The following ARPC5 variants were observed in gnomAD, a reference collection of about 807,000 sequenced individuals.
ARPC5 encodes actin-related protein 2/3 complex subunit 5.
ARPC5 carries 5 observed loss-of-function variants against 15.4 expected under a neutral mutation model. The observed-to-expected ratio is 0.32, with a 90% CI of 0.17 to 0.68. The LOEUF (loss-of-function observed/expected upper bound fraction) is 0.68. Among genes scored for constraint, ARPC5 ranks in the 30% least tolerant of loss-of-function variants. The pLI is 0.71. For synonymous variants in ARPC5, 85 were observed against 72.2 expected (o/e 1.18, Z -0.90); for missense variants, 138 against 192.8 (o/e 0.72, Z 1.68).
At chr1:183,629,647 A>G (rs765840502) in intron 3 of ARPC5, among the ~76,000 whole-genome samples, 6 of 152,344 alleles carry the variant, frequency 3.9e-5, no homozygotes, top group Non-Finnish European at 8.8e-5. Context: ...TTACATTGCA[A>G]AATATACACA....
At position 183,630,903 on chromosome 1, in the gene ARPC5, T is replaced by C. The variant is rs112955542; in HGVS notation, c.217-266A>G. ...AAGCACGTGAGTAAGTCAGAGGTTA[T>C]GGGAGGACAGATCGTGTAAGGCCTA... On this transcript the variant is annotated intron_variant, in intron 2 of 3. Coordinates refer to ENST00000359856, the MANE Select transcript of ARPC5 (RefSeq NM_005717.4). 6.5e-3 allele frequency: 2,282 copies of C among 353,304 alleles called. 49 individuals are homozygous for C. Among genetic ancestry groups the C allele is most frequent in the African/African-American group, 0.044 (2,132 of 47,976 alleles). The allele number at this position is 353,304 out of a possible 1,614,324, so 21.9% of individuals were successfully genotyped here. A position where few individuals can be genotyped will look rare whatever the true frequency, so the allele number is the denominator to read the frequency against.
rs1269930017 is a variant in ARPC5, at chr1:183,621,715, C to T, written c.*5817G>A. On this transcript the variant is annotated 3_prime_UTR_variant, in exon 4 of 4. Transcript: ENST00000359856. ...TTTTTAGACCATATAGGATAACTTCCTGATGTTGCCATGGCATTTGTAAAC... is the reference window on the plus strand; with the variant it reads ...TTTTTAGACCATATAGGATAACTTCTTGATGTTGCCATGGCATTTGTAAAC... 1 of 152,150 alleles carries T rather than the reference C, an allele frequency of 6.6e-6. No individual in the cohort carries two copies. Among genetic ancestry groups the T allele is most frequent in the Non-Finnish European group, 1.5e-5 (1 of 68,044 alleles). 9.4% of individuals were successfully genotyped at this position (152,150 alleles called of 1,614,324 possible).
Position 183,627,442 on chromosome 1 carries a change from C to T in ARPC5, c.*90G>A. 1 of 1,070,734 alleles carries T rather than the reference C, an allele frequency of 9.3e-7. No homozygotes were observed. The highest frequency in any genetic ancestry group is 1.4e-6 in the Non-Finnish European group (1 of 692,852). The allele number at this position is 1,070,734 out of a possible 1,614,324, so 66.3% of individuals were successfully genotyped here. ...AAGGCAAAGCTGAGAGAAACAGATG[C>T]TACCCACAGGGCAGCGGTGGCATTT... On this transcript the variant is annotated 3_prime_UTR_variant, in exon 4 of 4. Coordinates refer to ENST00000359856, the MANE Select transcript of ARPC5 (RefSeq NM_005717.4).
At position 183,630,547 on chromosome 1, in the gene ARPC5, C is replaced by T; in HGVS notation, c.307G>A (p.Val103Met). 7.4e-6 allele frequency: 12 copies of T among 1,614,002 alleles called. No homozygotes were observed. The highest frequency in any genetic ancestry group is 1.0e-5 in the Non-Finnish European group (12 of 1,179,900). Reference sequence around the variant, plus strand: ...TAAATATACTTCATTAGGAGATCCACACCATTCTTGTCCAGAGATTGAACT... The same window carrying T: ...TAAATATACTTCATTAGGAGATCCATACCATTCTTGTCCAGAGATTGAACT... Reference protein sequence around the residue: ...KAVQSLDKNGVDLLMKYIYKG... With the variant: ...KAVQSLDKNGMDLLMKYIYKG... Residue 103 changes from valine to methionine, a missense_variant, in exon 3 of 4, where the codon GTG becomes ATG. By Grantham distance (21) the Val-to-Met change is conservative (BLOSUM62 1). Coordinates refer to ENST00000359856, the MANE Select transcript of ARPC5 (RefSeq NM_005717.4).
chr1:183,623,611 G>A lies in ARPC5; in HGVS notation c.*3921C>T. On this transcript the variant is annotated 3_prime_UTR_variant, in exon 4 of 4. Coordinates refer to ENST00000359856, the MANE Select transcript of ARPC5 (RefSeq NM_005717.4). ...TTGTTTAAGGGCACTTGGTTCTACA[G>A]AGGCCGTTGGTCTGTTCCTTAATTG... 1 of 1,181,864 alleles carries A rather than the reference G, an allele frequency of 8.5e-7. No individual in the cohort carries two copies. The highest frequency in any genetic ancestry group is 1.2e-6 in the Non-Finnish European group (1 of 819,110). The allele number at this position is 1,181,864 out of a possible 1,614,324, so 73.2% of individuals were successfully genotyped here. A position where few individuals can be genotyped will look rare whatever the true frequency, so the allele number is the denominator to read the frequency against.
At chr1:183,631,968 A>G (rs1649280741) in intron 2 of ARPC5, 1 of 152,212 alleles carries the variant, frequency 6.6e-6, no homozygotes, top group South Asian at 2.1e-4. Context: ...ACCTACTGTT[A>G]TCTTTGGTTT....
intron 3 of ARPC5, among the ~76,000 whole-genome samples, chr1:183,627,888 C>G (rs1649151010): frequency 6.6e-6 from 1 of 152,108 alleles, no homozygotes; most frequent in East Asian, 1.9e-4. Context: ...AAATCTGCAG[C>G]ATAGGCCGGG....
At chr1:183,633,251 T>G in intron 1 of ARPC5, 97 bp from the exon 2 acceptor site, 2 of 829,926 alleles carry the variant, frequency 2.4e-6, no homozygotes, top group South Asian at 4.0e-5. Flanking sequence ...AAAAGAAAAT[T>G]ACTTTGGTCA....
chr1:183,635,046 A>C (rs1302322027), intron 1 of ARPC5, among the ~76,000 whole-genome samples: 1 of 151,794 alleles, frequency 6.6e-6, no homozygotes, highest in African/African-American at 2.4e-5. Context: ...AAAACACAAC[A>C]AAAAACAAAA....
At chr1:183,628,274 GA>G (rs563933973) in intron 3 of ARPC5, among the ~76,000 whole-genome samples, 2 of 145,822 alleles carry the variant, frequency 1.4e-5, no homozygotes, top group Non-Finnish European at 3.0e-5. Flanking sequence ...ATAGTCAGAA[GA>G]AAATTCAAAC....
intron 1 of ARPC5, among the ~76,000 whole-genome samples, 154 bp downstream of exon 1, chr1:183,635,363 T>C (rs1487012285): frequency 6.6e-6 from 1 of 152,068 alleles, no homozygotes; most frequent in South Asian, 2.1e-4. Context: ...CCCCTTGCCC[T>C]CTCAGAGCGG....
rs1200096406 is a variant in ARPC5 at position 183,621,465 on chromosome 1, A to G, written c.*6067T>C. The stretch of plus-strand genomic sequence containing the variant: ...ATGCAGTCATAAAAATAAAATTGTT[A>G]TCGGAAAGTGGTCCCAATCCAGACC... On this transcript the variant is annotated 3_prime_UTR_variant, in exon 4 of 4. Coordinates refer to ENST00000359856, the MANE Select transcript of ARPC5 (RefSeq NM_005717.4). 1 of 152,238 alleles carries G rather than the reference A, an allele frequency of 6.6e-6. No individual in the cohort carries two copies. Among genetic ancestry groups the G allele is most frequent in the African/African-American group, 2.4e-5 (1 of 41,470 alleles). The allele number at this position is 152,238 out of a possible 1,614,324, so 9.4% of individuals were successfully genotyped here.
Position 183,633,091 on chromosome 1 carries a change from C to T in ARPC5, c.207G>A (p.Gln69=), listed in dbSNP as rs756336750. 2 of 1,605,024 alleles carry T rather than the reference C, an allele frequency of 1.2e-6. No homozygotes were observed. The highest frequency in any genetic ancestry group is 1.7e-6 in the Non-Finnish European group (2 of 1,176,134). Residue 69 remains glutamine, a synonymous_variant, in exon 2 of 4, where the codon CAG becomes CAA. Coordinates refer to ENST00000359856, the MANE Select transcript of ARPC5 (RefSeq NM_005717.4). The part of the protein sequence containing the change: ...LKNPPINTKS[Q]AVKDRAGSIV... The stretch of plus-strand genomic sequence containing the variant: ...GTAGTCTGCGACTCACCTTCACTGC[C>T]TGACTCTTGGTGTTGATAGGGGGGT...
chr1:183,633,731 A>G (rs1649334716), intron 1 of ARPC5: 1 of 151,138 alleles, frequency 6.6e-6, no homozygotes, highest in Non-Finnish European at 1.5e-5. Flanking sequence ...GTGGCAGCTT[A>G]ATTTTTTGCT....
In ARPC5 at chr1:183,623,647, T is replaced by C. The variant is rs1279341909; in HGVS notation, c.*3885A>G. ...TCTGTTCCTTAATTGGGTGTGTTTT[T>C]CAATTATTTTGGTGCTTTTAACATA... is the stretch of plus-strand genomic sequence containing the variant. On this transcript the variant is annotated 3_prime_UTR_variant, in exon 4 of 4. Transcript: ENST00000359856. 2.6e-6 allele frequency: 2 copies of C among 759,144 alleles called. No individual in the cohort carries two copies. The highest frequency in any genetic ancestry group is 2.7e-5 in the East Asian group (1 of 36,644). The allele number at this position is 759,144 out of a possible 1,614,324, so 47.0% of individuals were successfully genotyped here.
At chr1:183,628,480 G>A (rs1649176174) in intron 3 of ARPC5, among the ~76,000 whole-genome samples, 1 of 152,140 alleles carries the variant, frequency 6.6e-6, no homozygotes, top group African/African-American at 2.4e-5. Flanking sequence ...AAATATTTAT[G>A]GAATACCTTT....
Position 183,624,831 on chromosome 1 carries a change from G to A in ARPC5, c.*2701C>T, listed in dbSNP as rs1430553323. 1 of 152,080 alleles carries A rather than the reference G, an allele frequency of 6.6e-6. No individual in the cohort carries two copies. Among genetic ancestry groups the A allele is most frequent in the South Asian group, 2.1e-4 (1 of 4,818 alleles). 9.4% of individuals were successfully genotyped at this position (152,080 alleles called of 1,614,324 possible). Reference sequence around the variant, plus strand: ...CTTAACCTTACTTCCCAATTAGGCTGAGAGCAAACTGGTGAACAAGATTCA... The same window carrying A: ...CTTAACCTTACTTCCCAATTAGGCTAAGAGCAAACTGGTGAACAAGATTCA... On this transcript the variant is annotated 3_prime_UTR_variant, in exon 4 of 4. Transcript: ENST00000359856.
chr1:183,633,025 G>A (rs1649309703), intron 2 of ARPC5, 57 bp downstream of exon 2: 3 of 1,321,488 alleles, frequency 2.3e-6, no homozygotes, highest in Non-Finnish European at 2.1e-6. Context: ...AACTGCAGAG[G>A]ATTTTACTAA....
At chr1:183,628,483 A>G (rs1649176305) in intron 3 of ARPC5, among the ~76,000 whole-genome samples, 2 of 152,234 alleles carry the variant, frequency 1.3e-5, no homozygotes, top group African/African-American at 4.8e-5. Context: ...TATTTATGGA[A>G]TACCTTTGTA....
Sources: gnomAD v4.1 joint callset for allele counts (sites outside exome capture counted in the v4.1 genomes callset) on GRCh38, gnomAD v4.1.1 for gene constraint, MANE v1.5 for transcripts, NCBI Gene and HGNC (gene_info 2026-07-23, HGNC 2026-07-21) for gene names.